The following DOCK3 variants were observed in gnomAD, a reference collection of about 807,000 sequenced individuals.
The protein encoded by DOCK3 is dedicator of cytokinesis 3.
In DOCK3, 60 loss-of-function variants were observed where a neutral mutation model predicts 265.6. That is an observed-to-expected ratio of 0.23 (90% CI 0.18 to 0.28). The LOEUF is 0.28. Among genes scored for constraint, DOCK3 ranks in the 10% least tolerant of loss-of-function variants. The pLI, the probability that DOCK3 is intolerant of heterozygous loss-of-function variation, is 1.00. For synonymous variants in DOCK3, 881 were observed against 938.0 expected (o/e 0.94, Z 1.11); for missense variants, 1,981 against 2,594.3 (o/e 0.76, Z 5.14).
chr3:50,845,989 A>G (rs2046060328), intron 3 of DOCK3, among the ~76,000 whole-genome samples: 1 of 152,170 alleles, frequency 6.6e-6, no homozygotes, highest in Admixed American at 6.5e-5. Flanking sequence ...GAAATGGGTT[A>G]TTACTTATCT....
At chr3:50,813,083 A>G (rs1341060041) in intron 2 of DOCK3, among the ~76,000 whole-genome samples, 1 of 152,258 alleles carries the variant, frequency 6.6e-6, no homozygotes, top group Admixed American at 6.5e-5. Flanking sequence ...CTACACATGT[A>G]CACATGAAGA....
intron 5 of DOCK3, among the ~76,000 whole-genome samples, chr3:50,935,512 T>C (rs915983957): frequency 1.1e-4 from 17 of 152,194 alleles, no homozygotes; most frequent in African/African-American, 3.9e-4. Flanking sequence ...TAACTTTCCA[T>C]GGAGAAACCT....
chr3:50,713,656 T>TA (rs1559542538), intron 1 of DOCK3, among the ~76,000 whole-genome samples: 1 of 146,930 alleles, frequency 6.8e-6, no homozygotes, highest in Admixed American at 7.2e-5. Context: ...ATATATATAT[T>TA]TTTTGTTTGT....
intron 9 of DOCK3, among the ~76,000 whole-genome samples, chr3:51,113,069 G>A (rs1172124427): frequency 2.6e-5 from 4 of 152,166 alleles, no homozygotes; most frequent in East Asian, 1.9e-4. Context: ...CACATTGTAT[G>A]CCCACCATAT....
chr3:50,677,448 C>T (rs997321234), intron 1 of DOCK3, among the ~76,000 whole-genome samples: 9 of 152,154 alleles, frequency 5.9e-5, no homozygotes, highest in Non-Finnish European at 2.9e-5. Flanking sequence ...ATTTTTGCTG[C>T]ATCATTTGAT....
chr3:50,783,910 C>T (rs1037751072), intron 2 of DOCK3, among the ~76,000 whole-genome samples: 1 of 150,334 alleles, frequency 6.7e-6, no homozygotes, highest in Non-Finnish European at 1.5e-5. Flanking sequence ...CTCTGTTTTC[C>T]AGGCTGGGGT....
At chr3:51,085,091 T>C (rs2082373156) in intron 7 of DOCK3, among the ~76,000 whole-genome samples, 1 of 152,224 alleles carries the variant, frequency 6.6e-6, no homozygotes, top group Non-Finnish European at 1.5e-5. Context: ...AAGGTCATTA[T>C]GTAATGATAA....
Position 51,312,916 on chromosome 3 carries a change from C to T in DOCK3, c.3253+14C>T. On this transcript the variant is annotated intron_variant, in intron 31 of 52. Transcript: ENST00000266037. ...GGCAGAATTTGGGTAGGTTTTTTCT[C>T]CCTATTCTTCCCTTCTATATATTGC... is the stretch of plus-strand genomic sequence containing the variant. 1 of 1,592,320 alleles carries T rather than the reference C, an allele frequency of 6.3e-7. No individual in the cohort carries two copies. Among genetic ancestry groups the T allele is most frequent in the South Asian group, 1.1e-5 (1 of 87,734 alleles).
intron 1 of DOCK3, among the ~76,000 whole-genome samples, chr3:50,777,886 A>G (rs560238228): frequency 9.4e-4 from 143 of 152,232 alleles, no homozygotes; most frequent in African/African-American, 3.3e-3. Context: ...CTTCTTTTCC[A>G]ATCTGGATGC....
At chr3:51,259,622 C>G (rs2079746213) in intron 22 of DOCK3, among the ~76,000 whole-genome samples, 1 of 152,074 alleles carries the variant, frequency 6.6e-6, no homozygotes, top group South Asian at 2.1e-4. Flanking sequence ...TGCTGTGCAG[C>G]CTGGGACAGG....
At chr3:50,735,598 A>C (rs1466277358) in intron 1 of DOCK3, among the ~76,000 whole-genome samples, 1 of 152,144 alleles carries the variant, frequency 6.6e-6, no homozygotes, top group African/African-American at 2.4e-5. Flanking sequence ...TCGGCCTCCC[A>C]AAGTGCTGGG....
chr3:51,305,564 A>G (rs911928401), intron 27 of DOCK3, among the ~76,000 whole-genome samples: 3 of 152,100 alleles, frequency 2.0e-5, no homozygotes, highest in Non-Finnish European at 4.4e-5. Flanking sequence ...GTAACTGCCA[A>G]TAAAGGTAAT....
chr3:50,793,629 A>G (rs578211101), intron 2 of DOCK3, among the ~76,000 whole-genome samples: 19 of 152,254 alleles, frequency 1.2e-4, no homozygotes, highest in African/African-American at 4.6e-4. Context: ...AAGTGCTGGG[A>G]TTACAGGCGT....
chr3:51,291,976 A>T (rs1452896479), intron 27 of DOCK3, among the ~76,000 whole-genome samples: 2 of 152,250 alleles, frequency 1.3e-5, no homozygotes, highest in Admixed American at 6.5e-5. Flanking sequence ...TCACCATATT[A>T]ACAGAATGAA....
In DOCK3 at chr3:50,729,193, G is replaced by T. The variant is rs1366930017; in HGVS notation, c.38-49482G>T. ...AAAATTAGCCAGGTGTGGTGATGTG[G>T]TGTGCCTGTATTCCCAGCTACTCGG... is the stretch of plus-strand genomic sequence containing the variant. On this transcript the variant is annotated intron_variant, in intron 1 of 52. Coordinates refer to ENST00000266037, the MANE Select transcript of DOCK3 (RefSeq NM_004947.5). Among the ~76,000 whole-genome samples the T allele has an allele frequency of 2.0e-5, 3 of 147,948 alleles. No homozygotes were observed. In the East Asian group the frequency reaches 6.0e-4, roughly 30 times the overall value.
At chr3:50,795,954 C>A (rs1383227400) in intron 2 of DOCK3, among the ~76,000 whole-genome samples, 2 of 152,120 alleles carry the variant, frequency 1.3e-5, no homozygotes, top group Non-Finnish European at 2.9e-5. Flanking sequence ...TCGCAATGGT[C>A]TTCCTCCCTA....
At chr3:50,716,591 T>A (rs1576210575) in intron 1 of DOCK3, among the ~76,000 whole-genome samples, 3 of 151,324 alleles carry the variant, frequency 2.0e-5, no homozygotes, top group Admixed American at 6.6e-5. Flanking sequence ...ATATTTATTT[T>A]TTTTTTGGTG....
At chr3:51,208,892 G>C (rs147435170) in intron 13 of DOCK3, 30 bp downstream of exon 13, 1 of 1,584,840 alleles carries the variant, frequency 6.3e-7, no homozygotes, top group Non-Finnish European at 8.6e-7. Flanking sequence ...AGAACATTTT[G>C]TGTTACATTT....
chr3:50,869,586 G>A (rs1042902730), intron 3 of DOCK3, among the ~76,000 whole-genome samples: 1 of 151,286 alleles, frequency 6.6e-6, no homozygotes, highest in African/African-American at 2.4e-5. Context: ...TGGCCAGGCT[G>A]GTCTCAAACT....
Sources: gnomAD v4.1 joint callset for allele counts (sites outside exome capture counted in the v4.1 genomes callset) on GRCh38, gnomAD v4.1.1 for gene constraint, MANE v1.5 for transcripts, NCBI Gene and HGNC (gene_info 2026-07-23, HGNC 2026-07-21) for gene names.